Variants in NUP155 observed in about 807,000 individuals in gnomAD.
NUP155 encodes nuclear pore complex protein Nup155.
NUP155 carries 71 observed loss-of-function variants against 180.4 expected under a neutral mutation model. The ratio of observed to expected loss-of-function variants is 0.39; its 90% CI spans 0.33 to 0.48. The LOEUF (loss-of-function observed/expected upper bound fraction) is 0.48. NUP155 is among the 20% of genes least tolerant of loss of function. The pLI is 0.91. For synonymous variants in NUP155, 582 were observed against 559.5 expected (o/e 1.04, Z -0.57); for missense variants, 1,553 against 1,648.9 (o/e 0.94, Z 1.01).
At chr5:37,362,583 C>T (rs902870901) in intron 3 of NUP155, among the ~76,000 whole-genome samples, 14 of 152,054 alleles carry the variant, frequency 9.2e-5, no homozygotes, top group African/African-American at 3.1e-4. Context: ...CCACCATGCC[C>T]AGCCGAAAAC....
intron 20 of NUP155, among the ~76,000 whole-genome samples, chr5:37,322,127 TA>T (rs1744284140): frequency 6.6e-6 from 1 of 152,148 alleles, no homozygotes; most frequent in African/African-American, 2.4e-5. Flanking sequence ...GTACTGGGAT[TA>T]CAGGCATCAG....
At chr5:37,324,357 C>T (rs1744444020) in intron 19 of NUP155, among the ~76,000 whole-genome samples, 1 of 152,126 alleles carries the variant, frequency 6.6e-6, no homozygotes, top group Non-Finnish European at 1.5e-5. Flanking sequence ...GTATAGTCAT[C>T]ACCCAGACCA....
At chr5:37,321,614 G>C (rs1744249472) in intron 20 of NUP155, among the ~76,000 whole-genome samples, 1 of 151,708 alleles carries the variant, frequency 6.6e-6, no homozygotes, top group African/African-American at 2.4e-5. Context: ...CTACTCGGGA[G>C]GCTGAGGCAG....
intron 11 of NUP155, among the ~76,000 whole-genome samples, chr5:37,339,116 C>T (rs1438141205): frequency 6.6e-6 from 1 of 152,060 alleles, no homozygotes; most frequent in Non-Finnish European, 1.5e-5. Flanking sequence ...TGCATGTAAT[C>T]CCAGCAGTTT....
At chr5:37,364,432 C>A (rs777513709) in intron 1 of NUP155, 48 bp from the exon 2 acceptor site, 2 of 1,567,552 alleles carry the variant, frequency 1.3e-6, no homozygotes, top group Non-Finnish European at 8.8e-7. Flanking sequence ...GCTCATCAAC[C>A]GGGCAAACAA....
In NUP155 at chr5:37,292,007, C is replaced by G. The variant is rs1365113116; in HGVS notation, c.4069G>C (p.Val1357Leu). ...RRFTNLCLDA[V>L]CGYLVELQSM... ...TGGAGCTCAACAAGGTAACCACAAA[C>G]AGCATCCAGGCAGAGATTTGTAAAT... The change falls in exon 35 of 35, where the codon GTT (valine) becomes CTT (leucine). Residue 1357 changes from valine (V) to leucine (L), a missense_variant. Coordinates refer to ENST00000231498, the MANE Select transcript of NUP155 (RefSeq NM_153485.3). 1.2e-6 allele frequency: 2 copies of G among 1,613,992 alleles called. No individual in the cohort carries two copies. Among genetic ancestry groups the G allele is most frequent in the African/African-American group, 1.3e-5 (1 of 74,926 alleles).
intron 21 of NUP155, 151 bp downstream of exon 21, chr5:37,317,837 G>T (rs1743998476): frequency 3.1e-6 from 2 of 637,250 alleles, no homozygotes; most frequent in Admixed American, 4.4e-5. Flanking sequence ...ACAGGTGTGA[G>T]CCACCACCCC....
At chr5:37,315,492 C>T (rs1407841804) in intron 21 of NUP155, among the ~76,000 whole-genome samples, 1 of 149,764 alleles carries the variant, frequency 6.7e-6, no homozygotes, top group African/African-American at 2.6e-5. Flanking sequence ...TATAAAAAGG[C>T]ATATTACTAA....
At position 37,325,979 on chromosome 5, in the gene NUP155, A is replaced by G; in HGVS notation, c.2025-12T>C. 1.3e-6 allele frequency: 2 copies of G among 1,595,334 alleles called. No individual in the cohort carries two copies. Among genetic ancestry groups the G allele is most frequent in the Non-Finnish European group, 1.7e-6 (2 of 1,165,790 alleles). On this transcript the variant is annotated splice_polypyrimidine_tract_variant and intron_variant, in intron 18 of 34. Transcript: ENST00000231498. ...CATCCCAAATGTTTCTGGAAAAAAA[A>G]AAGTTTTAATGATTGTGCTGTAAAT...
At chr5:37,318,229 C>A in intron 20 of NUP155, 144 bp from the exon 21 acceptor site, 14 of 651,036 alleles carry the variant, frequency 2.2e-5, no homozygotes, top group Admixed American at 4.6e-5. Flanking sequence ...GGCTGATGGC[C>A]AGAAAAAATT....
intron 3 of NUP155, among the ~76,000 whole-genome samples, chr5:37,361,756 A>T (rs1287858798): frequency 6.6e-6 from 1 of 152,210 alleles, no homozygotes; most frequent in Non-Finnish European, 1.5e-5. Context: ...TGATTTTTTA[A>T]AATAAGTACA....
At chr5:37,314,679 CAT>C (rs1255303873) in intron 21 of NUP155, among the ~76,000 whole-genome samples, 5 of 151,874 alleles carry the variant, frequency 3.3e-5, no homozygotes, top group African/African-American at 1.2e-4. Flanking sequence ...CTACTAAAAA[CAT>C]AAAAAATTAG....
At chr5:37,305,345 G>A in intron 25 of NUP155, 135 bp from the exon 26 acceptor site, 1 of 742,440 alleles carries the variant, frequency 1.3e-6, no homozygotes, top group South Asian at 1.6e-5. Context: ...GGGAGTTCAA[G>A]ACTAGCCAGG....
At chr5:37,336,911 G>A (rs1484410525) in intron 12 of NUP155, among the ~76,000 whole-genome samples, 1 of 152,170 alleles carries the variant, frequency 6.6e-6, no homozygotes, top group Non-Finnish European at 1.5e-5. Flanking sequence ...AGAACCACTA[G>A]TTTTCAGTGA....
chr5:37,292,161 T>C, intron 34 of NUP155, 123 bp from the exon 35 acceptor site: 1 of 893,142 alleles, frequency 1.1e-6, no homozygotes, highest in South Asian at 1.5e-5. Flanking sequence ...TGTGATTAAG[T>C]AAATAAGAAA....
chr5:37,366,470 C>T (rs1033116883), intron 1 of NUP155, among the ~76,000 whole-genome samples: 2 of 152,160 alleles, frequency 1.3e-5, no homozygotes, highest in African/African-American at 2.4e-5. Flanking sequence ...GACGGAGTCT[C>T]GCTCTGACGC....
At position 37,371,048 on chromosome 5, in the gene NUP155, G is replaced by C. The variant is rs1284501018; in HGVS notation, c.-71C>G. On this transcript the variant is annotated 5_prime_UTR_variant, in exon 1 of 35. Transcript: ENST00000231498. ...GGAGAAACAAGAAAAGATCCAAGAA[G>C]TTAGCTTAGATCCGCCGCCTAGGGC... is the stretch of plus-strand genomic sequence containing the variant. 1.3e-6 allele frequency: 2 copies of C among 1,550,048 alleles called. No individual in the cohort carries two copies. The highest frequency in any genetic ancestry group is 1.4e-5 in the African/African-American group (1 of 73,532).
intron 32 of NUP155, among the ~76,000 whole-genome samples, chr5:37,296,561 G>A (rs955440596): frequency 3.0e-5 from 4 of 133,774 alleles, no homozygotes; most frequent in African/African-American, 5.5e-5. Flanking sequence ...GAAGGCAGCC[G>A]CAGGGTCCTC....
intron 4 of NUP155, among the ~76,000 whole-genome samples, chr5:37,357,718 G>T (rs960718443): frequency 6.6e-6 from 1 of 152,188 alleles, no homozygotes; most frequent in African/African-American, 2.4e-5. Context: ...TGTCAGCCAG[G>T]CGCGGTGGCT....
Sources: gnomAD v4.1 joint callset for allele counts (sites outside exome capture counted in the v4.1 genomes callset) on GRCh38, gnomAD v4.1.1 for gene constraint, MANE v1.5 for transcripts, NCBI Gene and HGNC (gene_info 2026-07-23, HGNC 2026-07-21) for gene names.